Variants in SYCP2L observed in about 807,000 individuals in gnomAD.
The protein encoded by SYCP2L is synaptonemal complex protein 2 like, also known as synaptonemal complex protein 2-like.
In SYCP2L, 98 loss-of-function variants were observed where a neutral mutation model predicts 125.8. The ratio of observed to expected loss-of-function variants is 0.78; its 90% CI spans 0.66 to 0.92. The LOEUF (loss-of-function observed/expected upper bound fraction) is 0.92. SYCP2L is among the 40% of genes least tolerant of loss of function. SYCP2L has a pLI of 0.00. For synonymous variants in SYCP2L, 317 were observed against 325.4 expected (o/e 0.97, Z 0.28); for missense variants, 842 against 936.4 (o/e 0.90, Z 1.32).
At chr6:10,942,252 C>T (rs1054661380) in intron 21 of SYCP2L, among the ~76,000 whole-genome samples, 1 of 152,076 alleles carries the variant, frequency 6.6e-6, no homozygotes, top group Non-Finnish European at 1.5e-5. Context: ...ACATACGTAA[C>T]CTGCACGTTG....
At chr6:10,934,887 A>G (rs750174459) in intron 20 of SYCP2L, among the ~76,000 whole-genome samples, 171 bp from the exon 21 acceptor site, 1 of 152,176 alleles carries the variant, frequency 6.6e-6, no homozygotes, top group African/African-American at 2.4e-5. Flanking sequence ...GCTAATATCC[A>G]CCCCTCAACT....
chr6:10,964,807 G>C (rs1048326918), intron 29 of SYCP2L, among the ~76,000 whole-genome samples: 6 of 152,188 alleles, frequency 3.9e-5, no homozygotes, highest in Non-Finnish European at 8.8e-5. Flanking sequence ...TGAAGTGTCA[G>C]CTTAAGACAC....
At chr6:10,944,928 G>A (rs1781282565) in intron 23 of SYCP2L, among the ~76,000 whole-genome samples, 2 of 152,124 alleles carry the variant, frequency 1.3e-5, no homozygotes, top group African/African-American at 4.8e-5. Flanking sequence ...TGGCCAGGCT[G>A]GTCTTGAACT....
intron 21 of SYCP2L, among the ~76,000 whole-genome samples, chr6:10,941,136 TAAAC>T (rs1781211568): frequency 6.6e-6 from 1 of 152,130 alleles, no homozygotes; most frequent in Admixed American, 6.5e-5. Flanking sequence ...CCTTACACCT[TAAAC>T]AAACATTAAT....
intron 1 of SYCP2L, 134 bp from the exon 2 acceptor site, chr6:10,891,379 A>G (rs1780168091): frequency 4.3e-6 from 3 of 705,666 alleles, no homozygotes; most frequent in Non-Finnish European, 7.0e-6. Context: ...AATATGAGCA[A>G]ACAAAAATTT....
intron 12 of SYCP2L, among the ~76,000 whole-genome samples, chr6:10,911,118 A>G (rs1157821006): frequency 2.0e-5 from 3 of 152,178 alleles, no homozygotes; most frequent in Non-Finnish European, 4.4e-5. Context: ...TACTGTGTAC[A>G]TGAGCACAGT....
chr6:10,891,643 G>GC, intron 2 of SYCP2L, 62 bp downstream of exon 2: 3 of 851,484 alleles, frequency 3.5e-6, no homozygotes, highest in Admixed American at 2.3e-5. Context: ...GTGTGTGTGT[G>GC]TGTGTGTGTG....
At chr6:10,963,648 G>C in intron 28 of SYCP2L, 134 bp from the exon 29 acceptor site, 2 of 776,008 alleles carry the variant, frequency 2.6e-6, no homozygotes, top group Non-Finnish European at 4.2e-6. Flanking sequence ...TAATATCCTG[G>C]GGTGTTGGTG....
intron 8 of SYCP2L, among the ~76,000 whole-genome samples, chr6:10,904,229 T>A (rs1780442521): frequency 6.6e-6 from 1 of 152,230 alleles, no homozygotes; most frequent in South Asian, 2.1e-4. Context: ...CCAAAGTCAT[T>A]GTTGCGTAAT....
intron 29 of SYCP2L, among the ~76,000 whole-genome samples, chr6:10,964,431 A>G (rs1781645474): frequency 6.6e-6 from 1 of 152,210 alleles, no homozygotes; most frequent in Non-Finnish European, 1.5e-5. Context: ...GAAGTGTTTC[A>G]GATTTCAGAT....
rs188937625 is a variant in SYCP2L at position 10,925,423 on chromosome 6, G to C, written c.1218+782G>C. On this transcript the variant is annotated intron_variant, in intron 15 of 29. Transcript: ENST00000283141. ...CTGTTGGTCTTATCTTGTGGAAATGGTCTGTACTTCTCTAGATTGCTGTGG... is the reference window on the plus strand; with the variant it reads ...CTGTTGGTCTTATCTTGTGGAAATGCTCTGTACTTCTCTAGATTGCTGTGG... Among the ~76,000 whole-genome samples the C allele has an allele frequency of 3.9e-5, 6 of 152,268 alleles. No individual in the cohort carries two copies. The East Asian group carries it at 1.2e-3, about 29-fold the overall frequency.
intron 29 of SYCP2L, among the ~76,000 whole-genome samples, chr6:10,964,307 G>A (rs966534981): frequency 9.9e-5 from 15 of 152,062 alleles, no homozygotes; most frequent in African/African-American, 3.4e-4. Flanking sequence ...ATCCTTTTGG[G>A]TCTGGGTCAT....
chr6:10,942,364 T>C, intron 21 of SYCP2L, 95 bp from the exon 22 acceptor site: 1 of 807,146 alleles, frequency 1.2e-6, no homozygotes, highest in East Asian at 2.8e-5. Flanking sequence ...TGTTCCTTTT[T>C]TTTGATGATG....
At position 10,898,131 on chromosome 6, in the gene SYCP2L, A is replaced by T; in HGVS notation, c.441+16A>T. 4 of 1,556,440 alleles carry T rather than the reference A, an allele frequency of 2.6e-6. No individual in the cohort carries two copies. The highest frequency in any genetic ancestry group is 2.7e-6 in the Non-Finnish European group (3 of 1,127,500). On this transcript the variant is annotated intron_variant, in intron 5 of 29. Coordinates refer to ENST00000283141, the MANE Select transcript of SYCP2L (RefSeq NM_001040274.3). ...CACTGCATTGGTAAGGATGGGATGG[A>T]TGCTTCACTGAGCAGATGCCATTGG...
chr6:10,927,508 A>C (rs947154174), intron 17 of SYCP2L, 141 bp downstream of exon 17: 2 of 655,424 alleles, frequency 3.1e-6, no homozygotes, highest in Non-Finnish European at 5.2e-6. Flanking sequence ...CTGAGCTGTA[A>C]AACCAGCAAG....
In SYCP2L at chr6:10,926,447, A is replaced by G. The variant is rs773113251; in HGVS notation, c.1312+15A>G. 1 of 1,592,854 alleles carries G rather than the reference A, an allele frequency of 6.3e-7. No homozygotes were observed. Among genetic ancestry groups the G allele is most frequent in the Non-Finnish European group, 8.6e-7 (1 of 1,162,574 alleles). On this transcript the variant is annotated intron_variant, in intron 16 of 29. Coordinates refer to ENST00000283141, the MANE Select transcript of SYCP2L (RefSeq NM_001040274.3). ...AAGAGAAACAGGTATATTGGGAAAT[A>G]ACAAAATTCTGACCCTGAGTTTTCT...
intron 14 of SYCP2L, among the ~76,000 whole-genome samples, chr6:10,918,800 C>A (rs1780737166): frequency 6.6e-6 from 1 of 152,218 alleles, no homozygotes. Context: ...TCCCAAAGTG[C>A]TGGGATTACA....
chr6:10,899,449 G>C (rs770866736), intron 6 of SYCP2L, among the ~76,000 whole-genome samples: 1 of 152,140 alleles, frequency 6.6e-6, no homozygotes, highest in African/African-American at 2.4e-5. Context: ...TTGGGAGGGT[G>C]AGGTGGGAGG....
At chr6:10,927,409 GAAAT>G in intron 17 of SYCP2L, 42 bp downstream of exon 17, 1 of 1,518,822 alleles carries the variant, frequency 6.6e-7, no homozygotes, top group Non-Finnish European at 9.1e-7. Flanking sequence ...GCCAGGTTGA[GAAAT>G]AAAGGGACGG....
Sources: allele counts gnomAD v4.1 joint callset (sites outside exome capture counted in the v4.1 genomes callset), GRCh38; gene constraint gnomAD v4.1.1; transcripts MANE v1.5; gene names NCBI Gene and HGNC (gene_info 2026-07-23, HGNC 2026-07-21).